The following TENM3 variants were observed in gnomAD, a reference collection of about 807,000 sequenced individuals.
TENM3 encodes the protein teneurin transmembrane protein 3, also known as teneurin-3.
TENM3 carries 63 observed loss-of-function variants against 255.1 expected under a neutral mutation model. That is an observed-to-expected ratio of 0.25 (90% CI 0.20 to 0.30). The LOEUF (loss-of-function observed/expected upper bound fraction) is 0.30. Among genes scored for constraint, TENM3 ranks in the 10% least tolerant of loss-of-function variants. The probability of loss-of-function intolerance (pLI) is 1.00; values close to 1 mark genes in which losing one functional copy is unlikely to be tolerated. For missense variants in TENM3, 2,929 were observed against 3,461.1 expected (o/e 0.85, Z 3.86); for synonymous variants, 1,306 against 1,322.3 (o/e 0.99, Z 0.27).
At chr4:182,776,701 G>A (rs1283845686) in intron 24 of TENM3, among the ~76,000 whole-genome samples, 2 of 152,180 alleles carry the variant, frequency 1.3e-5, no homozygotes, top group African/African-American at 4.8e-5. Flanking sequence ...GAGGGAAAGA[G>A]AGGAAACCCA....
intron 1 of TENM3, among the ~76,000 whole-genome samples, chr4:182,233,380 T>A (rs964577208): frequency 6.6e-6 from 1 of 152,202 alleles, no homozygotes; most frequent in African/African-American, 2.4e-5. Context: ...TAATTTGACT[T>A]GGGAACCTGA....
chr4:182,595,862 ATAAT>A (rs1023292337), intron 3 of TENM3, among the ~76,000 whole-genome samples: 27 of 150,988 alleles, frequency 1.8e-4, no homozygotes, highest in African/African-American at 6.3e-4. Context: ...ATAATTTATA[ATAAT>A]TTTTAAATAT....
At chr4:182,227,405 C>T (rs1756234917) in intron 1 of TENM3, among the ~76,000 whole-genome samples, 1 of 152,142 alleles carries the variant, frequency 6.6e-6, no homozygotes, top group South Asian at 2.1e-4. Flanking sequence ...GTCCCTGATT[C>T]CACGATTACC....
chr4:181,741,527 A>T, the TENM3 span, among the ~76,000 whole-genome samples: 34 of 152,348 alleles, frequency 2.2e-4, no homozygotes, highest in African/African-American at 7.7e-4. Flanking sequence ...TGGAGTTCAC[A>T]TATTTTTAAT....
At chr4:182,698,622 A>AGGCCTC (rs1757613273) in intron 12 of TENM3, among the ~76,000 whole-genome samples, 1 of 152,206 alleles carries the variant, frequency 6.6e-6, no homozygotes. Flanking sequence ...GAATTTCCCA[A>AGGCCTC]GGCCTCGGTT....
the TENM3 span, among the ~76,000 whole-genome samples, chr4:181,550,803 G>A: frequency 6.6e-6 from 1 of 152,074 alleles, no homozygotes; most frequent in Non-Finnish European, 1.5e-5. Flanking sequence ...ACTAAGTAAC[G>A]GTCCCATATT....
the TENM3 span, among the ~76,000 whole-genome samples, chr4:181,870,115 G>T: frequency 6.6e-6 from 1 of 152,098 alleles, no homozygotes. Context: ...TTCATTCAAC[G>T]TGATGTTTTT....
intron 1 of TENM3, among the ~76,000 whole-genome samples, chr4:182,309,384 A>C (rs2150408267): frequency 6.6e-6 from 1 of 152,298 alleles, no homozygotes; most frequent in East Asian, 1.9e-4. Context: ...TGGGTAACAG[A>C]GGCATGAATA....
chr4:181,865,303 C>A, the TENM3 span, among the ~76,000 whole-genome samples: 3 of 152,176 alleles, frequency 2.0e-5, no homozygotes, highest in Non-Finnish European at 4.4e-5. Context: ...GGAGATTTTA[C>A]ATTTTATTTC....
chr4:182,667,192 T>C (rs1026302652), intron 6 of TENM3, among the ~76,000 whole-genome samples: 6 of 151,712 alleles, frequency 4.0e-5, no homozygotes, highest in African/African-American at 1.5e-4. Flanking sequence ...TTGTTTTGTT[T>C]TGTTTTGTTT....
chr4:182,254,025 T>G, intron 1 of TENM3, among the ~76,000 whole-genome samples: 1 of 152,260 alleles, frequency 6.6e-6, no homozygotes, highest in Admixed American at 6.5e-5. Context: ...ACCCATTCTT[T>G]TTAATTCTAA....
At chr4:181,965,373 G>T in the TENM3 span, among the ~76,000 whole-genome samples, 1 of 152,134 alleles carries the variant, frequency 6.6e-6, no homozygotes. Flanking sequence ...ACGTTTTCAA[G>T]CATATTCAAA....
chr4:181,988,076 A>G, the TENM3 span, among the ~76,000 whole-genome samples: 110 of 152,226 alleles, frequency 7.2e-4, no homozygotes, highest in African/African-American at 2.6e-3. Context: ...CCAATTTCCA[A>G]AAGAAATAGG....
chr4:181,462,698 T>A, the TENM3 span, among the ~76,000 whole-genome samples: 1 of 152,150 alleles, frequency 6.6e-6, no homozygotes, highest in African/African-American at 2.4e-5. Flanking sequence ...TTTTGAAACA[T>A]AACTCACGTG....
chr4:182,084,171 G>C, the TENM3 span, among the ~76,000 whole-genome samples: 1 of 151,928 alleles, frequency 6.6e-6, no homozygotes, highest in African/African-American at 2.4e-5. Flanking sequence ...GCCTCCCGCA[G>C]ACTCGTTTCT....
At chr4:181,821,311 C>T in the TENM3 span, among the ~76,000 whole-genome samples, 12 of 152,188 alleles carry the variant, frequency 7.9e-5, no homozygotes, top group Admixed American at 6.5e-4. Flanking sequence ...AAAGCCCTCC[C>T]AGATTCCACT....
chr4:182,209,032 A>G (rs1358138221), intron 1 of TENM3, among the ~76,000 whole-genome samples: 1 of 148,426 alleles, frequency 6.7e-6, no homozygotes, highest in Non-Finnish European at 1.5e-5. Context: ...GCGGTGGCAC[A>G]GTCTCAGCTC....
the TENM3 span, among the ~76,000 whole-genome samples, chr4:182,029,919 G>T: frequency 7.0e-6 from 1 of 142,700 alleles, no homozygotes; most frequent in Non-Finnish European, 1.5e-5. Context: ...AAATATTCAG[G>T]TTGGAGAGAG....
chr4:181,987,937 C>G, the TENM3 span, among the ~76,000 whole-genome samples: 125 of 151,954 alleles, frequency 8.2e-4, no homozygotes, highest in African/African-American at 2.6e-3. Flanking sequence ...GAATGCTGAG[C>G]TGGAGGAAAG....
Sources: gnomAD v4.1 joint callset for allele counts (sites outside exome capture counted in the v4.1 genomes callset) on GRCh38, gnomAD v4.1.1 for gene constraint, MANE v1.5 for transcripts, NCBI Gene and HGNC (gene_info 2026-07-23, HGNC 2026-07-21) for gene names.